Variants in LRRC4C observed in about 807,000 individuals in gnomAD.
LRRC4C encodes the protein leucine rich repeat containing 4C, also known as leucine-rich repeat-containing protein 4C.
A neutral mutation model predicts 33.6 loss-of-function variants in LRRC4C; 5 were observed. That is an observed-to-expected ratio of 0.15 (90% CI 0.08 to 0.31). The LOEUF is 0.31. Ranked by LOEUF, LRRC4C falls within the 10% of genes least tolerant of loss-of-function variation. The pLI, the probability that LRRC4C is intolerant of heterozygous loss-of-function variation, is 1.00. For synonymous variants in LRRC4C, 329 were observed against 302.0 expected (o/e 1.09, Z -0.93); for missense variants, 560 against 796.7 (o/e 0.70, Z 3.58).
At chr11:40,656,002 G>C (rs1322552635) in intron 2 of LRRC4C, among the ~76,000 whole-genome samples, 1 of 152,062 alleles carries the variant, frequency 6.6e-6, no homozygotes, top group East Asian at 1.9e-4. Context: ...CATGAGAACA[G>C]AAAGGGGAAA....
chr11:41,348,131 C>G (rs936557734), intron 1 of LRRC4C, among the ~76,000 whole-genome samples: 1 of 152,188 alleles, frequency 6.6e-6, no homozygotes, highest in Non-Finnish European at 1.5e-5. Flanking sequence ...TTGTTTTCTA[C>G]TACTTCCTAC....
chr11:40,562,047 GACA>G (rs1221215153), intron 3 of LRRC4C, among the ~76,000 whole-genome samples: 5 of 152,168 alleles, frequency 3.3e-5, no homozygotes, highest in Non-Finnish European at 5.9e-5. Flanking sequence ...AGGTGGTCTA[GACA>G]ACACTTATGG....
chr11:41,326,332 C>G (rs529684468), intron 1 of LRRC4C, among the ~76,000 whole-genome samples: 16 of 152,134 alleles, frequency 1.1e-4, no homozygotes, highest in Non-Finnish European at 1.8e-4. Flanking sequence ...CCTTTGGCTA[C>G]AGACTGAAGG....
intron 2 of LRRC4C, among the ~76,000 whole-genome samples, chr11:40,795,078 T>C (rs919089630): frequency 6.6e-6 from 1 of 152,170 alleles, no homozygotes; most frequent in African/African-American, 2.4e-5. Context: ...CATCATGATC[T>C]CCTTTCATTG....
intron 2 of LRRC4C, among the ~76,000 whole-genome samples, chr11:40,760,059 G>T (rs1325643263): frequency 1.3e-5 from 2 of 151,674 alleles, no homozygotes; most frequent in Admixed American, 6.6e-5. Flanking sequence ...TTCTTTTCCA[G>T]ATTGAGGTGA....
intron 1 of LRRC4C, among the ~76,000 whole-genome samples, chr11:41,039,741 T>C (rs1009390885): frequency 4.6e-5 from 7 of 152,190 alleles, no homozygotes; most frequent in African/African-American, 7.2e-5. Context: ...GAAACCCTTT[T>C]AGAGGAGGTT....
chr11:40,397,482 C>A (rs984191761), intron 3 of LRRC4C, among the ~76,000 whole-genome samples: 1 of 152,018 alleles, frequency 6.6e-6, no homozygotes, highest in Non-Finnish European at 1.5e-5. Flanking sequence ...ACTCTCTGTA[C>A]CAACATTGTC....
At chr11:40,481,781 T>G (rs1953583728) in intron 3 of LRRC4C, among the ~76,000 whole-genome samples, 1 of 152,174 alleles carries the variant, frequency 6.6e-6, no homozygotes, top group African/African-American at 2.4e-5. Context: ...CTATATTTCT[T>G]TTTACTGATT....
chr11:40,210,965 C>T (rs1475494507), intron 5 of LRRC4C, among the ~76,000 whole-genome samples: 12 of 151,886 alleles, frequency 7.9e-5, no homozygotes, highest in Non-Finnish European at 1.3e-4. Context: ...TTAGTAGAGA[C>T]GGGATTTCAC....
chr11:40,181,312 A>T (rs1860983273), intron 5 of LRRC4C, among the ~76,000 whole-genome samples: 1 of 152,198 alleles, frequency 6.6e-6, no homozygotes. Flanking sequence ...AAATAAAGAA[A>T]GGGAAGAAAA....
At chr11:40,170,949 A>C (rs960910948) in intron 5 of LRRC4C, among the ~76,000 whole-genome samples, 18 of 152,342 alleles carry the variant, frequency 1.2e-4, no homozygotes, top group African/African-American at 4.3e-4. Context: ...AGTGTTTAAG[A>C]TGGGAAGGCA....
At chr11:40,269,805 T>G (rs1242880779) in intron 4 of LRRC4C, among the ~76,000 whole-genome samples, 1 of 123,882 alleles carries the variant, frequency 8.1e-6, no homozygotes, top group Non-Finnish European at 1.6e-5. Context: ...CATTGGTAAC[T>G]CAAATTAGGG....
chr11:40,619,319 G>T (rs1962200012), intron 3 of LRRC4C, among the ~76,000 whole-genome samples: 1 of 151,624 alleles, frequency 6.6e-6, no homozygotes, highest in South Asian at 2.1e-4. Flanking sequence ...ATGCTTCAGG[G>T]GATGGCTATC....
chr11:41,320,376 A>G (rs1351540120), intron 1 of LRRC4C, among the ~76,000 whole-genome samples: 3 of 152,208 alleles, frequency 2.0e-5, no homozygotes, highest in African/African-American at 7.2e-5. Flanking sequence ...TTAGCATCTC[A>G]CAGTCAAAAG....
At chr11:41,368,763 G>T (rs1952636062) in intron 1 of LRRC4C, among the ~76,000 whole-genome samples, 1 of 152,174 alleles carries the variant, frequency 6.6e-6, no homozygotes. Context: ...CCTACATGTT[G>T]CTACTGGGTC....
intron 2 of LRRC4C, among the ~76,000 whole-genome samples, chr11:40,685,954 TAACAGTCATTAAAA>T (rs938949397): frequency 1.3e-5 from 2 of 151,646 alleles, no homozygotes; most frequent in Non-Finnish European, 2.9e-5. Context: ...TAGATAAACT[TAACAGTCATTAAAA>T]AAAAAAGATC....
chr11:40,637,920 T>C (rs1941852747), intron 3 of LRRC4C, among the ~76,000 whole-genome samples: 1 of 152,186 alleles, frequency 6.6e-6, no homozygotes, highest in Admixed American at 6.5e-5. Flanking sequence ...TAATCTATAG[T>C]ACCTTGTGTT....
chr11:41,170,423 C>A (rs1386383330), intron 1 of LRRC4C, among the ~76,000 whole-genome samples: 4 of 152,196 alleles, frequency 2.6e-5, no homozygotes, highest in African/African-American at 9.6e-5. Context: ...ACCAATGGAA[C>A]AGAACAGAGC....
intron 2 of LRRC4C, among the ~76,000 whole-genome samples, chr11:40,739,815 A>G (rs976938613): frequency 7.2e-5 from 11 of 152,000 alleles, no homozygotes; most frequent in Non-Finnish European, 1.6e-4. Flanking sequence ...GCCATGTGGA[A>G]CTGTCAGTCA....
Sources: allele counts gnomAD v4.1 joint callset (sites outside exome capture counted in the v4.1 genomes callset), GRCh38; gene constraint gnomAD v4.1.1; transcripts MANE v1.5; gene names NCBI Gene and HGNC (gene_info 2026-07-23, HGNC 2026-07-21).